Variants in ARHGAP15 observed in about 807,000 individuals in gnomAD.
The protein encoded by ARHGAP15 is rho GTPase-activating protein 15.
ARHGAP15 carries 51 observed loss-of-function variants against 63.7 expected under a neutral mutation model. That is an observed-to-expected ratio of 0.80 (90% CI 0.64 to 1.01). ARHGAP15 has a LOEUF of 1.01. Ranked by LOEUF, ARHGAP15 falls within the 50% of genes least tolerant of loss-of-function variation. ARHGAP15 has a pLI of 0.00. For missense variants in ARHGAP15, 560 were observed against 564.6 expected (o/e 0.99, Z 0.08); for synonymous variants, 191 against 193.8 (o/e 0.99, Z 0.12).
chr2:143,175,103 T>C (rs1558794228), intron 2 of ARHGAP15, among the ~76,000 whole-genome samples: 1 of 152,056 alleles, frequency 6.6e-6, no homozygotes, highest in Non-Finnish European at 1.5e-5. Flanking sequence ...TATGCATACA[T>C]AGAAAGAAAA....
intron 12 of ARHGAP15, among the ~76,000 whole-genome samples, chr2:143,693,269 ATCC>A (rs1395025762): frequency 6.6e-6 from 1 of 152,202 alleles, no homozygotes; most frequent in African/African-American, 2.4e-5. Flanking sequence ...CATTGAGAAA[ATCC>A]TCCTTTCAAA....
At chr2:143,266,801 A>G (rs1197609156) in intron 6 of ARHGAP15, among the ~76,000 whole-genome samples, 1 of 152,200 alleles carries the variant, frequency 6.6e-6, no homozygotes, top group Non-Finnish European at 1.5e-5. Context: ...TAATGAAGAA[A>G]ATACTAACAG....
At chr2:143,493,145 A>T (rs1473111450) in intron 9 of ARHGAP15, among the ~76,000 whole-genome samples, 1 of 152,166 alleles carries the variant, frequency 6.6e-6, no homozygotes, top group Non-Finnish European at 1.5e-5. Flanking sequence ...GTAGCACCAC[A>T]TAGACTTCCT....
At chr2:143,418,346 C>T (rs1019680074) in intron 6 of ARHGAP15, among the ~76,000 whole-genome samples, 5 of 152,162 alleles carry the variant, frequency 3.3e-5, no homozygotes, top group Admixed American at 6.5e-5. Flanking sequence ...CTCCAGGCCT[C>T]TCTCAAAATT....
At chr2:143,540,530 A>G (rs1269652076) in intron 10 of ARHGAP15, among the ~76,000 whole-genome samples, 1 of 151,940 alleles carries the variant, frequency 6.6e-6, no homozygotes, top group African/African-American at 2.4e-5. Flanking sequence ...GTTTCTTTCC[A>G]TGTTTAGTGC....
intron 13 of ARHGAP15, among the ~76,000 whole-genome samples, chr2:143,731,731 G>A (rs1212356487): frequency 6.6e-6 from 1 of 152,156 alleles, no homozygotes; most frequent in Admixed American, 6.5e-5. Context: ...CAAAGGCTAT[G>A]CTTATTATTT....
chr2:143,723,412 C>T (rs1036323472), intron 13 of ARHGAP15, among the ~76,000 whole-genome samples: 3 of 152,132 alleles, frequency 2.0e-5, no homozygotes, highest in South Asian at 2.1e-4. Context: ...AACGTGACTA[C>T]GGAGCAATTG....
chr2:143,427,478 A>C (rs1352487795), intron 6 of ARHGAP15, among the ~76,000 whole-genome samples: 1 of 152,014 alleles, frequency 6.6e-6, no homozygotes, highest in South Asian at 2.1e-4. Context: ...TAGCTCTTTA[A>C]AATTTTGAAC....
intron 6 of ARHGAP15, among the ~76,000 whole-genome samples, chr2:143,265,179 T>C (rs986880723): frequency 6.6e-6 from 1 of 151,968 alleles, no homozygotes; most frequent in African/African-American, 2.4e-5. Context: ...AGATAGGATC[T>C]TTCTTGGCCT....
chr2:143,692,394 A>ATTCACCCAG (rs1683648891), intron 12 of ARHGAP15, among the ~76,000 whole-genome samples: 1 of 152,144 alleles, frequency 6.6e-6, no homozygotes, highest in Non-Finnish European at 1.5e-5. Context: ...GAAGTCTCCG[A>ATTCACCCAG]CTTTCATTAG....
intron 6 of ARHGAP15, among the ~76,000 whole-genome samples, chr2:143,266,791 T>C (rs1681020264): frequency 6.6e-6 from 1 of 152,152 alleles, no homozygotes; most frequent in East Asian, 1.9e-4. Flanking sequence ...AAAAATAAGT[T>C]AATGAAGAAA....
intron 12 of ARHGAP15, among the ~76,000 whole-genome samples, chr2:143,646,543 C>T (rs1313081721): frequency 6.6e-6 from 1 of 151,904 alleles, no homozygotes; most frequent in African/African-American, 2.4e-5. Flanking sequence ...GTTCTGGTCT[C>T]GTATGTCCTT....
intron 12 of ARHGAP15, among the ~76,000 whole-genome samples, chr2:143,640,188 G>A (rs1680537955): frequency 6.6e-6 from 1 of 152,058 alleles, no homozygotes; most frequent in Non-Finnish European, 1.5e-5. Context: ...GGCACTAAAT[G>A]AATTTTTAAA....
At chr2:143,310,448 T>C (rs1683391542) in intron 6 of ARHGAP15, among the ~76,000 whole-genome samples, 1 of 152,074 alleles carries the variant, frequency 6.6e-6, no homozygotes, top group African/African-American at 2.4e-5. Flanking sequence ...TTGAATGAAG[T>C]GCATCTCATT....
At chr2:143,189,013 A>G (rs958965592) in intron 2 of ARHGAP15, among the ~76,000 whole-genome samples, 1 of 152,152 alleles carries the variant, frequency 6.6e-6, no homozygotes, top group Non-Finnish European at 1.5e-5. Context: ...CCAAACAAGA[A>G]TATAGTGGAA....
At chr2:143,729,099 A>G (rs1351635402) in intron 13 of ARHGAP15, among the ~76,000 whole-genome samples, 2 of 152,178 alleles carry the variant, frequency 1.3e-5, no homozygotes, top group Non-Finnish European at 2.9e-5. Context: ...TGAAAAGGCA[A>G]TTTAGGTCTG....
chr2:143,211,139 G>A (rs1869014), intron 3 of ARHGAP15, among the ~76,000 whole-genome samples: 109,634 of 151,886 alleles, frequency 0.72, 40,167 homozygotes, highest in East Asian at 0.94. Context: ...GAGTTCGCCG[G>A]TAATGAGCAA....
At chr2:143,660,257 G>C (rs1227355410) in intron 12 of ARHGAP15, among the ~76,000 whole-genome samples, 2 of 152,016 alleles carry the variant, frequency 1.3e-5, no homozygotes, top group Non-Finnish European at 2.9e-5. Context: ...TCCACATTCT[G>C]TATAATTCTT....
intron 11 of ARHGAP15, among the ~76,000 whole-genome samples, chr2:143,558,034 C>T (rs1431882936): frequency 6.6e-6 from 1 of 152,060 alleles, no homozygotes. Flanking sequence ...GCATCTATGA[C>T]ACTTAGGAAT....
Sources: allele counts gnomAD v4.1 joint callset (sites outside exome capture counted in the v4.1 genomes callset), GRCh38; gene constraint gnomAD v4.1.1; transcripts MANE v1.5; gene names NCBI Gene and HGNC (gene_info 2026-07-23, HGNC 2026-07-21).